Variants in MRPL17 observed in about 807,000 individuals in gnomAD.
MRPL17 encodes large ribosomal subunit protein bL17m.
Under a neutral mutation model 12.0 loss-of-function variants are expected in MRPL17, and 8 were observed. The observed-to-expected ratio is 0.67, with a 90% CI of 0.39 to 1.21. MRPL17 has a LOEUF of 1.21. MRPL17 is among the 50% of genes most tolerant of loss of function. The pLI is 0.01. For missense variants in MRPL17, 263 were observed against 234.4 expected (o/e 1.12, Z -0.80); for synonymous variants, 107 against 92.9 (o/e 1.15, Z -0.87).
rs1846568123 is a variant in MRPL17 at position 6,681,926 on chromosome 11, T to A, written c.*192A>T. On this transcript the variant is annotated 3_prime_UTR_variant, in exon 3 of 3. Transcript: ENST00000288937. ...CCACAGGAAGGAAAAAATAAATAAA[T>A]TTATATATATTCATATAAAGACTTT... 3 of 378,362 alleles carry A rather than the reference T, an allele frequency of 7.9e-6. No homozygotes were observed. The highest frequency in any genetic ancestry group is 4.5e-5 in the Admixed American group (1 of 22,162). The allele number at this position is 378,362 out of a possible 1,614,324, so 23.4% of individuals were successfully genotyped here.
In MRPL17 at chr11:6,683,150, C is replaced by T; in HGVS notation, c.147G>A (p.Val49=). The T allele has an allele frequency of 6.2e-7, 1 of 1,614,078 alleles. No individual in the cohort carries two copies. Residue 49 remains valine, a synonymous_variant, in exon 1 of 3, where the codon GTG becomes GTA. Coordinates refer to ENST00000288937, the MANE Select transcript of MRPL17 (RefSeq NM_022061.4). The part of the protein sequence containing the change: ...HERIEAPWAR[V]DEMRGYAEKL... The stretch of plus-strand genomic sequence containing the variant: ...TCTCCGCGTAGCCCCTCATTTCGTC[C>T]ACACGCGCCCATGGTGCCTCGATGC...
At chr11:6,682,864 C>T (rs776899838) in intron 1 of MRPL17, 49 bp from the exon 2 acceptor site, 68 of 1,566,498 alleles carry the variant, frequency 4.3e-5, no homozygotes, top group Non-Finnish European at 5.5e-5. Flanking sequence ...AAACAAGGTG[C>T]CAATCTAATT....
At position 6,682,815 on chromosome 11, in the gene MRPL17, G is replaced by A. The variant is rs1231723010; in HGVS notation, c.175C>T (p.Leu59Phe). The change falls in exon 2 of 3, where the codon CTC becomes TTC. Residue 59 changes from leucine (L) to phenylalanine (F), a missense_variant and splice_region_variant. By Grantham distance (22) the Leu-to-Phe change is conservative. Coordinates refer to ENST00000288937, the MANE Select transcript of MRPL17 (RefSeq NM_022061.4). ...VDEMRGYAEK[L>F]IDYGKLGDTN... ...TCTCCCAGCTTCCCATAGTCGATGAGCTGTGAGGACATAACATCACGGATC... is the reference window on the plus strand; with the variant it reads ...TCTCCCAGCTTCCCATAGTCGATGAACTGTGAGGACATAACATCACGGATC... The A allele has an allele frequency of 6.2e-7, 1 of 1,613,506 alleles. No individual in the cohort carries two copies.
chr11:6,682,832 T>C lies in MRPL17; in HGVS notation c.175-17A>G, dbSNP rs371680290. 41 of 1,606,544 alleles carry C rather than the reference T, an allele frequency of 2.6e-5. 1 individual carries two copies. The African/African-American group carries it at 4.5e-4, about 18-fold the overall frequency. The stretch of plus-strand genomic sequence containing the variant: ...GTCGATGAGCTGTGAGGACATAACA[T>C]CACGGATCCAACCGAGCAAGAAAAC... On this transcript the variant is annotated splice_polypyrimidine_tract_variant and intron_variant, in intron 1 of 2. Transcript: ENST00000288937.
intron 1 of MRPL17, 80 bp from the exon 2 acceptor site, chr11:6,682,895 T>A: frequency 1.4e-6 from 2 of 1,422,650 alleles, no homozygotes; most frequent in Non-Finnish European, 1.9e-6. Context: ...CGGAAGGCAA[T>A]CCATTCTTTC....
rs1261002851 is a variant in MRPL17, at chr11:6,682,748, G to T, written c.242C>A (p.Thr81Lys). The change falls in exon 2 of 3, where the codon ACA becomes AAA. Residue 81 changes from threonine to lysine, a missense_variant and splice_region_variant. Transcript: ENST00000288937. ...RAMRMADFWL[T>K]EKDLIPKLFQ... is the part of the protein sequence containing the mutation. ...TGAAGGCAGATAGGTCGCACTCACT[G>T]TGAGCCAGAAGTCAGCCATGCGCAT... 2 of 1,614,130 alleles carry T rather than the reference G, an allele frequency of 1.2e-6. No homozygotes were observed. Among genetic ancestry groups the T allele is most frequent in the Non-Finnish European group, 1.7e-6 (2 of 1,179,954 alleles).
rs2119485557 is a variant in MRPL17, at chr11:6,682,228, T to A, written c.418A>T (p.Ser140Cys). The change falls in exon 3 of 3, where the codon AGC becomes TGC. Residue 140 changes from serine to cysteine, a missense_variant. By Grantham distance (112) the Ser-to-Cys change is moderately radical. Coordinates refer to ENST00000288937, the MANE Select transcript of MRPL17 (RefSeq NM_022061.4). ...AGCTGGTTTAGGAGTGTAAGGTGGCTGTCTCTGCGAGGCAGAGGCAGGGGT... is the reference window on the plus strand; with the variant it reads ...AGCTGGTTTAGGAGTGTAAGGTGGCAGTCTCTGCGAGGCAGAGGCAGGGGT... Reference protein sequence around the residue: ...LPPLPLPRRDSHLTLLNQLLQ... With the variant: ...LPPLPLPRRDCHLTLLNQLLQ... The A allele has an allele frequency of 1.9e-6, 3 of 1,614,198 alleles. No individual in the cohort carries two copies. The highest frequency in any genetic ancestry group is 1.1e-5 in the South Asian group (1 of 91,082).
rs1286536255 is a variant in MRPL17, at chr11:6,680,953, C to G, written c.*1165G>C. On this transcript the variant is annotated 3_prime_UTR_variant, in exon 3 of 3. Coordinates refer to ENST00000288937, the MANE Select transcript of MRPL17 (RefSeq NM_022061.4). The stretch of plus-strand genomic sequence containing the variant: ...AAGGCAGCTACAGCTAAATTAGCAC[C>G]AGAATAGTTCGTTCTGTCACTGAAG... The G allele has an allele frequency of 6.6e-6, 1 of 152,168 alleles. No homozygotes were observed. The highest frequency in any genetic ancestry group is 1.9e-4 in the East Asian group (1 of 5,206). The allele number at this position is 152,168 out of a possible 1,614,324, so 9.4% of individuals were successfully genotyped here. A position where few individuals can be genotyped will look rare whatever the true frequency, so the allele number is the denominator to read the frequency against.
At position 6,683,136 on chromosome 11, in the gene MRPL17, C is replaced by T. The variant is rs1203508940; in HGVS notation, c.161G>A (p.Gly54Asp). The part of the protein sequence containing the change: ...APWARVDEMR[G>D]YAEKLIDYGK... ...CGCGCTCCTCACCTTCTCCGCGTAG[C>T]CCCTCATTTCGTCCACACGCGCCCA... is the stretch of plus-strand genomic sequence containing the variant. Residue 54 changes from glycine (G) to aspartate (D), a missense_variant, in exon 1 of 3, where the codon GGC becomes GAC. By Grantham distance (94) the Gly-to-Asp change is moderately conservative (BLOSUM62 -1). Transcript: ENST00000288937. 2 of 1,613,748 alleles carry T rather than the reference C, an allele frequency of 1.2e-6. No individual in the cohort carries two copies. Among genetic ancestry groups the T allele is most frequent in the Admixed American group, 1.7e-5 (1 of 60,016 alleles).
chr11:6,682,938 C>T lies in MRPL17; in HGVS notation c.175-123G>A, dbSNP rs1330232760. The T allele has an allele frequency of 5.5e-6, 7 of 1,273,316 alleles. No homozygotes were observed. The South Asian group carries it at 9.7e-5, about 18-fold the overall frequency. The allele number at this position is 1,273,316 out of a possible 1,614,324, so 78.9% of individuals were successfully genotyped here. ...CAAGCATCTCCAATCTACGCCACCCCTAACTCCGCAGCCCTAACCAGTCTT... is the reference window on the plus strand; with the variant it reads ...CAAGCATCTCCAATCTACGCCACCCTTAACTCCGCAGCCCTAACCAGTCTT... On this transcript the variant is annotated intron_variant, in intron 1 of 2. Coordinates refer to ENST00000288937, the MANE Select transcript of MRPL17 (RefSeq NM_022061.4).
chr11:6,682,809 C>G lies in MRPL17; in HGVS notation c.181G>C (p.Asp61His). The change falls in exon 2 of 3, where the codon GAC becomes CAC. Residue 61 changes from aspartate to histidine, a missense_variant. Asp to His is a moderately conservative substitution (Grantham distance 81, BLOSUM62 -1). Coordinates refer to ENST00000288937, the MANE Select transcript of MRPL17 (RefSeq NM_022061.4). ...TTAGTGTCTCCCAGCTTCCCATAGT[C>G]GATGAGCTGTGAGGACATAACATCA... ...EMRGYAEKLI[D>H]YGKLGDTNER... 6.2e-7 allele frequency: 1 copy of G among 1,614,008 alleles called. No individual in the cohort carries two copies. Among genetic ancestry groups the G allele is most frequent in the Non-Finnish European group, 8.5e-7 (1 of 1,179,908 alleles).
At position 6,683,308 on chromosome 11, in the gene MRPL17, C is replaced by T. The variant is rs370752756; in HGVS notation, c.-12G>A. The T allele has an allele frequency of 5.0e-6, 8 of 1,605,610 alleles. No individual in the cohort carries two copies. The African/African-American group carries it at 9.4e-5, about 19-fold the overall frequency. ...ACCGACAGCCGCATGTTTCCAACTT[C>T]TGCCCGCCCCTTGGAGGCCGGAACT... is the stretch of plus-strand genomic sequence containing the variant. On this transcript the variant is annotated 5_prime_UTR_variant, in exon 1 of 3. Coordinates refer to ENST00000288937, the MANE Select transcript of MRPL17 (RefSeq NM_022061.4).
chr11:6,682,736 GTCGCAC>G lies in MRPL17; in HGVS notation c.243+5_243+10del, dbSNP rs745524696. 6 of 1,613,814 alleles carry G rather than the reference GTCGCAC, an allele frequency of 3.7e-6. No homozygotes were observed. The highest frequency in any genetic ancestry group is 5.1e-6 in the Non-Finnish European group (6 of 1,179,702). On this transcript the variant is annotated splice_donor_5th_base_variant and intron_variant, in intron 2 of 2. Transcript: ENST00000288937. ...AGGGTGGGATTTTGAAGGCAGATAGGTCGCACTCACTGTGAGCCAGAAGTCAGCCAT... is the reference window on the plus strand; with the variant it reads ...AGGGTGGGATTTTGAAGGCAGATAGGTCACTGTGAGCCAGAAGTCAGCCAT...
Position 6,683,220 on chromosome 11 carries a change from A to T in MRPL17, c.77T>A (p.Ile26Asn). 9.3e-6 allele frequency: 15 copies of T among 1,614,174 alleles called. No individual in the cohort carries two copies. Among genetic ancestry groups the T allele is most frequent in the Non-Finnish European group, 1.3e-5 (15 of 1,180,036 alleles). The change falls in exon 1 of 3, where the codon ATC becomes AAC. Residue 26 changes from isoleucine to asparagine, a missense_variant. Coordinates refer to ENST00000288937, the MANE Select transcript of MRPL17 (RefSeq NM_022061.4). ...RRMGLGPESR[I>N]HLLRNLLTGL... ...TGTGAGCAAGTTCCGCAACAGATGG[A>T]TGCGGGACTCGGGACCGAGGCCCAT...
At position 6,680,790 on chromosome 11, in the gene MRPL17, G is replaced by C. The variant is rs748625699; in HGVS notation, c.*1328C>G. The C allele has an allele frequency of 6.6e-6, 1 of 152,144 alleles. No homozygotes were observed. The highest frequency in any genetic ancestry group is 1.5e-5 in the Non-Finnish European group (1 of 68,018). The allele number at this position is 152,144 out of a possible 1,614,324, so 9.4% of individuals were successfully genotyped here. A position where few individuals can be genotyped will look rare whatever the true frequency, so the allele number is the denominator to read the frequency against. ...ATTTTTTAGCAGAAGCAGAGTTGTAGCTTTATTTCATAAATGTTTTGAGTG... is the reference window on the plus strand; with the variant it reads ...ATTTTTTAGCAGAAGCAGAGTTGTACCTTTATTTCATAAATGTTTTGAGTG... On this transcript the variant is annotated 3_prime_UTR_variant, in exon 3 of 3. Transcript: ENST00000288937.
rs1846573286 is a variant in MRPL17, at chr11:6,682,208, G to A, written c.438C>T (p.Asn146=). The change falls in exon 3 of 3, where the codon AAC becomes AAT. Residue 146 remains asparagine, a synonymous_variant. Coordinates refer to ENST00000288937, the MANE Select transcript of MRPL17 (RefSeq NM_022061.4). The part of the protein sequence containing the change: ...PRRDSHLTLL[N]QLLQGLRQDL... ...CCTGCCGCAAACCCTGCAGCAGCTG[G>A]TTTAGGAGTGTAAGGTGGCTGTCTC... is the stretch of plus-strand genomic sequence containing the variant. 6.2e-7 allele frequency: 1 copy of A among 1,614,236 alleles called. No homozygotes were observed. The highest frequency in any genetic ancestry group is 1.3e-5 in the African/African-American group (1 of 75,052).
chr11:6,682,860 G>A, intron 1 of MRPL17, 45 bp from the exon 2 acceptor site: 1 of 1,575,298 alleles, frequency 6.3e-7, no homozygotes, highest in Non-Finnish European at 8.7e-7. Context: ...AAGAAAACAA[G>A]GTGCCAATCT....
At chr11:6,682,627 G>C (rs1846578583) in intron 2 of MRPL17, 120 bp downstream of exon 2, 1 of 1,065,726 alleles carries the variant, frequency 9.4e-7, no homozygotes, top group Admixed American at 1.9e-5. Flanking sequence ...TTCTAATTTA[G>C]TTAGCAGCAC....
chr11:6,682,188 C>A lies in MRPL17; in HGVS notation c.458G>T (p.Arg153Leu), dbSNP rs573314206. The change falls in exon 3 of 3, where the codon CGG becomes CTG. Residue 153 changes from arginine to leucine, a missense_variant. Physicochemically the swap from Arg to Leu is moderately radical, Grantham distance 102 (BLOSUM62 -2). Transcript: ENST00000288937. ...TTCCTGGCTTTGCCTGAGGTCCTGC[C>A]GCAAACCCTGCAGCAGCTGGTTTAG... is the stretch of plus-strand genomic sequence containing the variant. ...TLLNQLLQGL[R>L]QDLRQSQEAS... is the part of the protein sequence containing the mutation. 3.7e-6 allele frequency: 6 copies of A among 1,614,130 alleles called. No individual in the cohort carries two copies. In the African/African-American group the frequency reaches 8.0e-5, roughly 22 times the overall value.
Sources: gnomAD v4.1 joint callset for allele counts on GRCh38, gnomAD v4.1.1 for gene constraint, MANE v1.5 for transcripts, NCBI Gene and HGNC (gene_info 2026-07-23, HGNC 2026-07-21) for gene names.